The following C5 variants were observed in gnomAD, a reference collection of about 807,000 sequenced individuals.
C5 encodes the protein C3 and PZP-like alpha-2-macroglobulin domain-containing protein 4.
Under a neutral mutation model 218.8 loss-of-function variants are expected in C5, and 140 were observed. The ratio of observed to expected loss-of-function variants is 0.64; its 90% CI spans 0.56 to 0.74. The LOEUF (loss-of-function observed/expected upper bound fraction) is 0.74. Ranked by LOEUF, C5 falls within the 30% of genes least tolerant of loss-of-function variation. The probability of loss-of-function intolerance (pLI) is 0.00; values close to 1 mark genes in which losing one functional copy is unlikely to be tolerated. For missense variants in C5, 1,700 were observed against 1,969.6 expected, an observed-to-expected ratio of 0.86 and a Z score of 2.59; for synonymous variants, 614 against 682.3, an observed-to-expected ratio of 0.90 and a Z score of 1.56.
intron 2 of C5, among the ~76,000 whole-genome samples, chr9:121,045,351 C>T (rs2047618191): frequency 6.6e-6 from 1 of 151,956 alleles, no homozygotes; most frequent in Admixed American, 6.6e-5. Flanking sequence ...ATTTTTGATA[C>T]AAAGATACTT....
intron 3 of C5, among the ~76,000 whole-genome samples, chr9:121,038,615 C>T (rs538379285): frequency 4.7e-4 from 72 of 152,266 alleles, no homozygotes; most frequent in South Asian, 2.9e-3. Context: ...GCATCTGTTT[C>T]GCTTTTAACT....
At chr9:120,965,154 G>T (rs2046857588) in intron 33 of C5, among the ~76,000 whole-genome samples, 1 of 152,114 alleles carries the variant, frequency 6.6e-6, no homozygotes, top group Non-Finnish European at 1.5e-5. Context: ...GAATGTTGGT[G>T]GAAGAGGAGA....
At chr9:121,002,300 A>ATG (rs2047176096) in intron 20 of C5, among the ~76,000 whole-genome samples, 1 of 75,920 alleles carries the variant, frequency 1.3e-5, no homozygotes, top group Non-Finnish European at 2.7e-5. Context: ...GTATATATGT[A>ATG]TATATATATG....
chr9:120,971,353 G>A (rs141585643), intron 31 of C5, among the ~76,000 whole-genome samples: 160 of 151,410 alleles, frequency 1.1e-3, no homozygotes, highest in East Asian at 4.6e-3. Flanking sequence ...TGCCATATGC[G>A]TATACACATA....
At chr9:121,050,109 A>T in intron 1 of C5, 73 bp downstream of exon 1, 5 of 1,154,206 alleles carry the variant, frequency 4.3e-6, no homozygotes, top group Non-Finnish European at 5.3e-6. Context: ...AGTTAACAGA[A>T]TCTGTTAAAT....
At chr9:121,019,837 A>C (rs2047347492) in intron 12 of C5, 139 bp downstream of exon 12, 1 of 638,144 alleles carries the variant, frequency 1.6e-6, no homozygotes, top group Admixed American at 2.8e-5. Flanking sequence ...TTTTTGAGAA[A>C]CTGATGTTCA....
intron 20 of C5, chr9:120,999,883 T>C (rs1166469604): frequency 8.9e-6 from 4 of 451,722 alleles, no homozygotes; most frequent in Admixed American, 2.4e-5. Flanking sequence ...TATAGTGATA[T>C]GCATGACACT....
chr9:121,026,650 G>A (rs1361321443), intron 8 of C5, among the ~76,000 whole-genome samples: 1 of 152,016 alleles, frequency 6.6e-6, no homozygotes, highest in Non-Finnish European at 1.5e-5. Flanking sequence ...GTCTCCTTGG[G>A]AATAAAAAAT....
At chr9:121,025,780 A>G (rs1294207847) in intron 8 of C5, 200 bp from the exon 9 acceptor site, 2 of 518,914 alleles carry the variant, frequency 3.9e-6, no homozygotes, top group Non-Finnish European at 6.9e-6. Flanking sequence ...TTATAGAAGT[A>G]GAAGGGTCTT....
Position 121,013,894 on chromosome 9 carries a change from C to T in C5, c.2236G>A (p.Asp746Asn). The change falls in exon 17 of 41, where the codon GAC becomes AAC. Residue 746 changes from aspartate to asparagine, a missense_variant. Transcript: ENST00000223642. ...TTACGTAGCCTTCCCAATTGCATGT[C>T]TTTATGAGAGATATTAGCACGGAGC... ...SQLRANISHKDMQLGRLHMKT... is the reference protein window; with the variant it reads ...SQLRANISHKNMQLGRLHMKT... 1 of 1,614,088 alleles carries T rather than the reference C, an allele frequency of 6.2e-7. No homozygotes were observed. Among genetic ancestry groups the T allele is most frequent in the East Asian group, 2.2e-5 (1 of 44,886 alleles).
intron 17 of C5, among the ~76,000 whole-genome samples, chr9:121,012,390 T>C (rs1564150878): frequency 6.6e-6 from 1 of 152,186 alleles, no homozygotes; most frequent in Non-Finnish European, 1.5e-5. Flanking sequence ...GGCAGGTGCA[T>C]GTAATCCCAG....
chr9:121,009,382 G>C (rs1394948281), intron 17 of C5, among the ~76,000 whole-genome samples: 1 of 152,206 alleles, frequency 6.6e-6, no homozygotes, highest in Non-Finnish European at 1.5e-5. Flanking sequence ...GCAGTTTACA[G>C]ACTAGGGCAG....
chr9:120,983,701 A>T (rs1170449752), intron 25 of C5, among the ~76,000 whole-genome samples: 2 of 152,088 alleles, frequency 1.3e-5, no homozygotes, highest in Non-Finnish European at 2.9e-5. Flanking sequence ...AGTCTCAGCT[A>T]CTTGGAAGGC....
intron 24 of C5, 122 bp from the exon 25 acceptor site, chr9:120,989,243 G>A: frequency 1.3e-6 from 1 of 793,328 alleles, no homozygotes; most frequent in Non-Finnish European, 2.2e-6. Context: ...CATATGCTCT[G>A]TGGCCAGCAT....
intron 26 of C5, 107 bp downstream of exon 26, chr9:120,982,548 G>T: frequency 2.2e-6 from 2 of 924,358 alleles, no homozygotes; most frequent in Non-Finnish European, 3.4e-6. Flanking sequence ...GGAATTTCTT[G>T]CAGAATTACA....
chr9:121,023,580 T>C, intron 9 of C5, 61 bp from the exon 10 acceptor site: 1 of 893,796 alleles, frequency 1.1e-6, no homozygotes, highest in Non-Finnish European at 1.9e-6. Context: ...TGTATGGATA[T>C]CCATTTCATC....
intron 39 of C5, among the ~76,000 whole-genome samples, chr9:120,955,478 G>T (rs1314228293): frequency 2.6e-5 from 4 of 152,046 alleles, no homozygotes; most frequent in African/African-American, 7.2e-5. Flanking sequence ...AAAGCACTTT[G>T]TTATTTCAGT....
At chr9:120,992,319 C>A (rs1286069445) in intron 22 of C5, among the ~76,000 whole-genome samples, 1 of 152,208 alleles carries the variant, frequency 6.6e-6, no homozygotes, top group Non-Finnish European at 1.5e-5. Context: ...AAGAGGTTTG[C>A]ACTTTGAGTG....
At chr9:121,057,361 T>C in the C5 span, among the ~76,000 whole-genome samples, 1 of 152,174 alleles carries the variant, frequency 6.6e-6, no homozygotes, top group Non-Finnish European at 1.5e-5. Flanking sequence ...ACCACTCATA[T>C]ACTTAATAGA....
Sources: gnomAD v4.1 joint callset for allele counts (sites outside exome capture counted in the v4.1 genomes callset) on GRCh38, gnomAD v4.1.1 for gene constraint, MANE v1.5 for transcripts, NCBI Gene and HGNC (gene_info 2026-07-23, HGNC 2026-07-21) for gene names.